CLEC16A: variants seen among roughly 807,000 people sequenced by gnomAD.
The protein encoded by CLEC16A is C-type lectin domain containing 16A.
In CLEC16A, 51 loss-of-function variants were observed where a neutral mutation model predicts 109.5. That is an observed-to-expected ratio of 0.47 (90% CI 0.37 to 0.59). The LOEUF (loss-of-function observed/expected upper bound fraction) is 0.59. Among genes scored for constraint, CLEC16A ranks in the 20% least tolerant of loss-of-function variants. CLEC16A has a pLI of 0.00. For missense variants in CLEC16A, 1,339 were observed against 1,394.0 expected (o/e 0.96, Z 0.63); for synonymous variants, 673 against 564.2 (o/e 1.19, Z -2.73).
intron 4 of CLEC16A, 32 bp downstream of exon 4, chr16:10,969,341 G>A: frequency 3.6e-6 from 5 of 1,405,462 alleles, no homozygotes; most frequent in Non-Finnish European, 4.8e-6. Flanking sequence ...ACGTGTGGGT[G>A]TAAAGCCACA....
At position 10,944,767 on chromosome 16, in the gene CLEC16A, C is replaced by G. The variant is rs777313308; in HGVS notation, c.50C>G (p.Ser17Cys). ...SWVGGGHGKT[S>C]RNIHSLDHLK... is the part of the protein sequence containing the mutation. Reference sequence around the variant, plus strand: ...GTGGGCGGGGGCCATGGCAAGACTTCCCGCAACATCCACTCCTTGGACCAC... The same window carrying G: ...GTGGGCGGGGGCCATGGCAAGACTTGCCGCAACATCCACTCCTTGGACCAC... The change falls in exon 1 of 24, where the codon TCC (serine) becomes TGC (cysteine). Residue 17 changes from serine to cysteine, a missense_variant. Physicochemically the swap from Ser to Cys is moderately radical, Grantham distance 112. This residue lies in a region of CLEC16A where 117 missense variants were observed against 120.2 expected (regional missense o/e 0.97). Coordinates refer to ENST00000409790, the MANE Select transcript of CLEC16A (RefSeq NM_015226.3). 2 of 1,609,766 alleles carry G rather than the reference C, an allele frequency of 1.2e-6. No individual in the cohort carries two copies. The highest frequency in any genetic ancestry group is 1.3e-5 in the African/African-American group (1 of 75,012).
At chr16:10,971,008 ATTTTTTTT>A in intron 4 of CLEC16A, 109 bp from the exon 5 acceptor site, 2 of 506,592 alleles carry the variant, frequency 3.9e-6, no homozygotes, top group Non-Finnish European at 7.0e-6. Flanking sequence ...CATTGGCAAC[ATTTTTTTT>A]TTTTTTTTTG....
intron 22 of CLEC16A, among the ~76,000 whole-genome samples, chr16:11,138,423 G>A (rs2053669920): frequency 1.3e-5 from 2 of 152,234 alleles, no homozygotes; most frequent in South Asian, 4.1e-4. Context: ...GAAGCAGCAG[G>A]AAGCCATTGA....
chr16:11,068,839 G>C lies in CLEC16A; in HGVS notation c.2116+7817G>C, dbSNP rs2035204463. 2.6e-5 allele frequency among the ~76,000 whole-genome samples: 4 copies of C among 152,278 alleles called. No homozygotes were observed. In the South Asian group the frequency reaches 8.3e-4, roughly 32 times the overall value. ...TAAAATTTATTTATTTTTTGAGACA[G>C]AGTCTCGCTCTTTCATCTAGGCTGG... On this transcript the variant is annotated intron_variant, in intron 19 of 23. Transcript: ENST00000409790.
intron 11 of CLEC16A, among the ~76,000 whole-genome samples, chr16:11,010,640 C>T (rs1020119153): frequency 1.3e-5 from 2 of 152,178 alleles, no homozygotes; most frequent in African/African-American, 4.8e-5. Flanking sequence ...TTAAGGTGTT[C>T]TCATTCATGA....
chr16:11,132,249 G>A (rs11649567), intron 22 of CLEC16A, among the ~76,000 whole-genome samples: 4,440 of 32,862 alleles, frequency 0.14, 93 homozygotes, highest in South Asian at 0.21. Flanking sequence ...CCCCGCCCCC[G>A]CCCCCATCCA....
intron 10 of CLEC16A, among the ~76,000 whole-genome samples, chr16:11,002,197 A>G (rs1466113938): frequency 2.0e-5 from 3 of 152,234 alleles, no homozygotes; most frequent in Non-Finnish European, 4.4e-5. Context: ...TGACACAGTA[A>G]TATCTCATGC....
intron 18 of CLEC16A, among the ~76,000 whole-genome samples, chr16:11,054,616 G>A (rs567147768): frequency 6.6e-6 from 1 of 152,184 alleles, no homozygotes; most frequent in African/African-American, 2.4e-5. Flanking sequence ...TATAAAAGAG[G>A]CCAGGCTACC....
intron 10 of CLEC16A, among the ~76,000 whole-genome samples, chr16:10,986,257 C>G (rs1001603958): frequency 2.8e-4 from 42 of 151,778 alleles, no homozygotes; most frequent in African/African-American, 9.0e-4. Flanking sequence ...GTCTCAATCT[C>G]CTGACCTCGT....
chr16:11,057,827 G>A (rs1269002378), intron 18 of CLEC16A, among the ~76,000 whole-genome samples: 1 of 152,186 alleles, frequency 6.6e-6, no homozygotes, highest in African/African-American at 2.4e-5. Flanking sequence ...TTGGAATCTA[G>A]TTATTCACTA....
chr16:11,116,047 C>T (rs980402462), intron 19 of CLEC16A, among the ~76,000 whole-genome samples: 7 of 151,950 alleles, frequency 4.6e-5, no homozygotes, highest in African/African-American at 7.2e-5. Flanking sequence ...TTCAAATACC[C>T]GGCTGGACTG....
intron 22 of CLEC16A, among the ~76,000 whole-genome samples, chr16:11,145,610 C>T (rs899689225): frequency 6.6e-6 from 1 of 152,274 alleles, no homozygotes; most frequent in Admixed American, 6.5e-5. Flanking sequence ...GCAGCCAAAG[C>T]AGCTGTAGAG....
chr16:11,008,863 G>C (rs896307580), intron 11 of CLEC16A, among the ~76,000 whole-genome samples: 2 of 151,300 alleles, frequency 1.3e-5, no homozygotes, highest in Non-Finnish European at 2.9e-5. Context: ...GCCAGGCGTG[G>C]TGGCGGGCAC....
intron 21 of CLEC16A, among the ~76,000 whole-genome samples, chr16:11,125,272 C>T (rs567985365): frequency 1.3e-5 from 2 of 152,148 alleles, no homozygotes; most frequent in South Asian, 4.2e-4. Context: ...TCATTCAGCC[C>T]TTTCTTTTAA....
At chr16:10,965,430 G>A (rs555227987) in intron 3 of CLEC16A, among the ~76,000 whole-genome samples, 46 of 152,172 alleles carry the variant, frequency 3.0e-4, no homozygotes, top group Non-Finnish European at 7.3e-5. Flanking sequence ...CAACCCTAAC[G>A]ATCCATTGTG....
At chr16:11,135,352 G>A (rs1053260613) in intron 22 of CLEC16A, among the ~76,000 whole-genome samples, 4 of 152,296 alleles carry the variant, frequency 2.6e-5, no homozygotes, top group South Asian at 2.1e-4. Context: ...CCGCGTTCCC[G>A]GATCCGGGCC....
intron 2 of CLEC16A, among the ~76,000 whole-genome samples, chr16:10,958,885 C>A (rs1296031396): frequency 6.6e-6 from 1 of 151,928 alleles, no homozygotes; most frequent in Non-Finnish European, 1.5e-5. Context: ...GCCTGGGTGA[C>A]AGAGTGAGAC....
chr16:10,959,499 C>T (rs1308634103), intron 2 of CLEC16A, among the ~76,000 whole-genome samples: 1 of 152,162 alleles, frequency 6.6e-6, no homozygotes, highest in East Asian at 1.9e-4. Context: ...TCAAGCAATT[C>T]TCCTACCTCA....
chr16:11,139,571 G>A (rs1043014716), intron 22 of CLEC16A, among the ~76,000 whole-genome samples: 2 of 152,188 alleles, frequency 1.3e-5, no homozygotes, highest in Non-Finnish European at 2.9e-5. Flanking sequence ...AAGCCTCAGA[G>A]TAATCACAAA....
Sources: gnomAD v4.1 joint callset for allele counts (sites outside exome capture counted in the v4.1 genomes callset) on GRCh38, gnomAD v4.1.1 for gene constraint, gnomAD v4.1.1 regional missense constraint, MANE v1.5 for transcripts, NCBI Gene and HGNC (gene_info 2026-07-23, HGNC 2026-07-21) for gene names.